The following OTULINL variants were observed in gnomAD, a reference collection of about 807,000 sequenced individuals.
OTULINL encodes OTU deubiquitinase with linear linkage specificity like.
OTULINL carries 42 observed loss-of-function variants against 43.9 expected under a neutral mutation model. That is an observed-to-expected ratio of 0.96 (90% CI 0.75 to 1.24). OTULINL has a LOEUF of 1.24. Among genes scored for constraint, OTULINL ranks in the 50% most tolerant of loss-of-function variants. The pLI is 0.00. For synonymous variants in OTULINL, 172 were observed against 153.6 expected, an observed-to-expected ratio of 1.12 and a Z score of -0.88; for missense variants, 411 against 426.4, an observed-to-expected ratio of 0.96 and a Z score of 0.32.
chr5:14,603,146 G>A (rs1759417857), intron 5 of OTULINL, among the ~76,000 whole-genome samples: 3 of 152,172 alleles, frequency 2.0e-5, no homozygotes, highest in African/African-American at 7.2e-5. Context: ...ATGTGTCTGT[G>A]AATTTGTATT....
At chr5:14,587,279 T>C (rs1413797825) in intron 1 of OTULINL, among the ~76,000 whole-genome samples, 1 of 152,164 alleles carries the variant, frequency 6.6e-6, no homozygotes, top group African/African-American at 2.4e-5. Flanking sequence ...CTGGGTGCTG[T>C]GTGTCTTCCG....
intron 1 of OTULINL, among the ~76,000 whole-genome samples, chr5:14,589,937 A>G (rs909241439): frequency 6.6e-6 from 1 of 152,106 alleles, no homozygotes; most frequent in Non-Finnish European, 1.5e-5. Flanking sequence ...GTGAGAATCA[A>G]TCTGAAAAAA....
intron 1 of OTULINL, among the ~76,000 whole-genome samples, chr5:14,594,269 G>A (rs1482452269): frequency 6.6e-6 from 1 of 152,162 alleles, no homozygotes; most frequent in Non-Finnish European, 1.5e-5. Flanking sequence ...AAAACTTGAT[G>A]GCCTAACAGG....
At position 14,581,881 on chromosome 5, in the gene OTULINL, G is replaced by C; in HGVS notation, c.-14G>C. On this transcript the variant is annotated 5_prime_UTR_variant, in exon 1 of 8. Transcript: ENST00000274217. ...ACGGGCCGAGGCCCAGCGCCCGTCC[G>C]CAGCGCGGCCGGCATGGCGGCGACA... 2.1e-6 allele frequency: 3 copies of C among 1,408,182 alleles called. 1 individual carries two copies. In the Admixed American group the frequency reaches 8.5e-5, roughly 40 times the overall value. 87.2% of individuals were successfully genotyped at this position (1,408,182 alleles called of 1,614,324 possible). A position where few individuals can be genotyped will look rare whatever the true frequency, so the allele number is the denominator to read the frequency against.
intron 1 of OTULINL, among the ~76,000 whole-genome samples, chr5:14,582,505 C>G (rs941724755): frequency 6.6e-6 from 1 of 151,878 alleles, no homozygotes; most frequent in African/African-American, 2.4e-5. Context: ...AAAAAATTCA[C>G]CCAGACGGGG....
intron 1 of OTULINL, among the ~76,000 whole-genome samples, chr5:14,597,404 C>G (rs963741265): frequency 1.3e-5 from 2 of 152,192 alleles, no homozygotes; most frequent in Non-Finnish European, 2.9e-5. Context: ...GGGGAAATCA[C>G]TTGCCCCATA....
chr5:14,589,426 A>G (rs1759160177), intron 1 of OTULINL, among the ~76,000 whole-genome samples: 1 of 151,712 alleles, frequency 6.6e-6, no homozygotes, highest in Non-Finnish European at 1.5e-5. Flanking sequence ...AAGTGAAGGC[A>G]CTCCTCCTAT....
In OTULINL at chr5:14,611,944, A is replaced by G. The variant is rs927052985; in HGVS notation, c.*1630A>G. ...AAATTAGCATTCATATTCTTTTGCA[A>G]TGGGGATGATCAGTCGTGTGTACTA... On this transcript the variant is annotated 3_prime_UTR_variant, in exon 8 of 8. Transcript: ENST00000274217. The G allele has an allele frequency of 3.3e-5, 5 of 152,170 alleles. No homozygotes were observed. The highest frequency in any genetic ancestry group is 1.2e-4 in the African/African-American group (5 of 41,432). The allele number at this position is 152,170 out of a possible 1,614,324, so 9.4% of individuals were successfully genotyped here.
Position 14,608,927 on chromosome 5 carries a change from A to G in OTULINL, c.807A>G (p.Arg269=). ...AAAAGGTCATTCCCAGTCTTTTTAG[A>G]CTCCTGTTTTCCAGGGAGACATCCT... ...KTKKVIPSLF[R]LLFSRETSSD... The change falls in exon 7 of 8, where the codon AGA becomes AGG. Residue 269 remains arginine (R), a synonymous_variant. Transcript: ENST00000274217. 1 of 1,613,936 alleles carries G rather than the reference A, an allele frequency of 6.2e-7. No homozygotes were observed. The highest frequency in any genetic ancestry group is 8.5e-7 in the Non-Finnish European group (1 of 1,179,936).
At chr5:14,596,029 A>G (rs1759282417) in intron 1 of OTULINL, among the ~76,000 whole-genome samples, 1 of 152,156 alleles carries the variant, frequency 6.6e-6, no homozygotes, top group South Asian at 2.1e-4. Flanking sequence ...CAAATCCATA[A>G]TTTCTGGCAA....
intron 1 of OTULINL, among the ~76,000 whole-genome samples, chr5:14,594,151 A>G (rs988172480): frequency 1.3e-5 from 2 of 152,228 alleles, no homozygotes; most frequent in African/African-American, 2.4e-5. Flanking sequence ...AAAACAACCA[A>G]CTAATCTATG....
intron 1 of OTULINL, among the ~76,000 whole-genome samples, chr5:14,591,782 GAATGTATCAT>G (rs1489858916): frequency 1.3e-5 from 2 of 152,108 alleles, no homozygotes; most frequent in African/African-American, 2.4e-5. Flanking sequence ...GCATTGCTGT[GAATGTATCAT>G]CTAAAACAGG....
rs1348299047 is a variant in OTULINL at position 14,595,635 on chromosome 5, C to T, written c.65-5330C>T. Reference sequence around the variant, plus strand: ...CTAAGTAGAATTTTACCACCAAAAACGGTGCTTTTTTTTTTTTTTTTTTTT... The same window carrying T: ...CTAAGTAGAATTTTACCACCAAAAATGGTGCTTTTTTTTTTTTTTTTTTTT... On this transcript the variant is annotated intron_variant, in intron 1 of 7. Transcript: ENST00000274217. Among the ~76,000 whole-genome samples, 13 of 110,420 alleles carry T rather than the reference C, an allele frequency of 1.2e-4. No individual in the cohort carries two copies. In the South Asian group the frequency reaches 1.2e-3, roughly 10 times the overall value. 72.4% of individuals were successfully genotyped at this position (110,420 alleles called of 152,430 possible).
At chr5:14,589,844 G>T (rs1169123307) in intron 1 of OTULINL, among the ~76,000 whole-genome samples, 1 of 152,096 alleles carries the variant, frequency 6.6e-6, no homozygotes, top group Non-Finnish European at 1.5e-5. Context: ...CCCAACTATT[G>T]GGGGGCTGAG....
chr5:14,588,390 C>T (rs1414878958), intron 1 of OTULINL, among the ~76,000 whole-genome samples: 1 of 152,072 alleles, frequency 6.6e-6, no homozygotes, highest in East Asian at 1.9e-4. Flanking sequence ...CCTCAGTTCC[C>T]TCCTCATTTC....
At chr5:14,589,540 A>G (rs1359754427) in intron 1 of OTULINL, among the ~76,000 whole-genome samples, 2 of 152,128 alleles carry the variant, frequency 1.3e-5, no homozygotes, top group East Asian at 1.9e-4. Context: ...GGACTGAGAG[A>G]TGTGCCAGTA....
chr5:14,605,445 C>G (rs868756452), intron 5 of OTULINL, among the ~76,000 whole-genome samples: 1 of 152,050 alleles, frequency 6.6e-6, no homozygotes, highest in Admixed American at 6.5e-5. Context: ...AGGTTTCTGA[C>G]GTGTCCTGGA....
At chr5:14,593,520 A>G (rs1340976162) in intron 1 of OTULINL, among the ~76,000 whole-genome samples, 2 of 152,208 alleles carry the variant, frequency 1.3e-5, no homozygotes, top group Non-Finnish European at 2.9e-5. Context: ...GTGGTTGGAT[A>G]AAGCAGTGGC....
chr5:14,613,289 A>C lies in OTULINL; in HGVS notation c.*2975A>C, dbSNP rs1759612426. Among the ~76,000 whole-genome samples the C allele has an allele frequency of 6.6e-6, 1 of 151,962 alleles. No individual in the cohort carries two copies. The highest frequency in any genetic ancestry group is 2.4e-5 in the African/African-American group (1 of 41,352). On this transcript the variant is annotated 3_prime_UTR_variant, in exon 8 of 8. Transcript: ENST00000274217. ...TGTTGTGCAACCCTCACCACCATCC[A>C]CCCTCAGAACTTTTTAAAATCTCCA...
Sources: allele counts gnomAD v4.1 joint callset (sites outside exome capture counted in the v4.1 genomes callset), GRCh38; gene constraint gnomAD v4.1.1; transcripts MANE v1.5; gene names NCBI Gene and HGNC (gene_info 2026-07-23, HGNC 2026-07-21).